The following MCF2L variants were observed in gnomAD, a reference collection of about 807,000 sequenced individuals.
MCF2L encodes MCF.2 cell line derived transforming sequence like, also known as guanine nucleotide exchange factor DBS.
Under a neutral mutation model 153.4 loss-of-function variants are expected in MCF2L, and 97 were observed. The ratio of observed to expected loss-of-function variants is 0.63; its 90% CI spans 0.54 to 0.75. The LOEUF (loss-of-function observed/expected upper bound fraction) is 0.75, where lower values mean the gene tolerates loss of function less well. Ranked by LOEUF, MCF2L falls within the 30% of genes least tolerant of loss-of-function variation. The pLI is 0.00. For synonymous variants in MCF2L, 659 were observed against 632.2 expected (o/e 1.04, Z -0.64); for missense variants, 1,347 against 1,495.2 (o/e 0.90, Z 1.64).
intron 1 of MCF2L, among the ~76,000 whole-genome samples, chr13:113,011,663 C>G (rs1320629740): frequency 1.2e-5 from 1 of 83,512 alleles, no homozygotes; most frequent in African/African-American, 3.9e-5. Context: ...ACGGTGGACA[C>G]TGTGATGCAG....
At chr13:113,015,270 T>C in intron 2 of MCF2L, among the ~76,000 whole-genome samples, 1 of 152,228 alleles carries the variant, frequency 6.6e-6, no homozygotes, top group Non-Finnish European at 1.5e-5. Context: ...AGGTGGTGCC[T>C]GCAGCCATGG....
Position 113,045,066 on chromosome 13 carries a change from C to T in MCF2L, c.279-205C>T, listed in dbSNP as rs1257790248. On this transcript the variant is annotated intron_variant, in intron 3 of 29. Coordinates refer to ENST00000535094, the MANE Select transcript of MCF2L (RefSeq NM_001112732.3). The surrounding 1 kb of genome is among the most constrained non-coding windows in gnomAD (Gnocchi z 4.2). ...AGAAATAAGAACACACCAAAAGTGC[C>T]TGCCCTTCCGTAGATGAGAGCAGGT... is the stretch of plus-strand genomic sequence containing the variant. The T allele has an allele frequency of 2.9e-6, 3 of 1,026,950 alleles. No individual in the cohort carries two copies. The highest frequency in any genetic ancestry group is 4.3e-6 in the Non-Finnish European group (3 of 698,782). 63.6% of individuals were successfully genotyped at this position (1,026,950 alleles called of 1,614,324 possible).
intron 1 of MCF2L, among the ~76,000 whole-genome samples, chr13:113,014,410 C>G (rs112829418): frequency 1.1e-4 from 17 of 152,282 alleles, no homozygotes; most frequent in African/African-American, 4.1e-4. Flanking sequence ...GGGACTCAGA[C>G]CAAAGTGTAT....
Position 112,920,542 on chromosome 13 carries a change from G to A in MCF2L, c.169+18171G>A, listed in dbSNP as rs538015859. Among the ~76,000 whole-genome samples, 144 of 152,242 alleles carry A rather than the reference G, an allele frequency of 9.5e-4. 2 individuals are homozygous for A. In the Middle Eastern group the frequency reaches 0.01, roughly 11 times the overall value. ...TGTGGATGGCCGGTGACCCCAGAAC[G>A]CAGGACAGGATGGCAAGTAGCCTGC... On this transcript the variant is annotated intron_variant, in intron 2 of 29. Coordinates refer to the MCF2L transcript ENST00000375608.
Position 113,017,387 on chromosome 13 carries a change from C to T in MCF2L, c.163+2541C>T, listed in dbSNP as rs557905450. On this transcript the variant is annotated intron_variant, in intron 2 of 29. Coordinates refer to ENST00000535094, the MANE Select transcript of MCF2L (RefSeq NM_001112732.3). ...TCATGCAGCCGCCTCACCTGTACGT[C>T]GGTGTCTCCTCTTCTGCCTCAAAGC... 9.8e-5 allele frequency among the ~76,000 whole-genome samples: 15 copies of T among 152,338 alleles called. No individual in the cohort carries two copies. The South Asian group carries it at 2.7e-3, about 27-fold the overall frequency.
At chr13:112,974,252 C>T (rs1022766279) in intron 1 of MCF2L, among the ~76,000 whole-genome samples, 1 of 152,204 alleles carries the variant, frequency 6.6e-6, no homozygotes, top group Non-Finnish European at 1.5e-5. Flanking sequence ...ACCAGTTCCG[C>T]AAAGGCACCC....
intron 15 of MCF2L, among the ~76,000 whole-genome samples, chr13:113,079,501 CCTTTCACCAT>C: frequency 6.6e-6 from 1 of 152,192 alleles, no homozygotes; most frequent in African/African-American, 2.4e-5. Context: ...CACGTCTCCC[CCTTTCACCAT>C]CAAAACTCCA....
chr13:112,924,642 C>T (rs546045172), intron 2 of MCF2L, among the ~76,000 whole-genome samples: 1 of 152,332 alleles, frequency 6.6e-6, no homozygotes, highest in African/African-American at 2.4e-5. Context: ...GGAAGCTCCA[C>T]ATGACAAAGA....
chr13:112,926,072 G>A (rs973719577), intron 2 of MCF2L, among the ~76,000 whole-genome samples: 4 of 152,198 alleles, frequency 2.6e-5, no homozygotes, highest in Non-Finnish European at 2.9e-5. Flanking sequence ...ATATGGGATC[G>A]GTCACAGATG....
chr13:113,044,696 A>G (rs1441573511), intron 3 of MCF2L: 2 of 1,612,782 alleles, frequency 1.2e-6, no homozygotes, highest in Non-Finnish European at 1.7e-6. Flanking sequence ...CTGTCGTTAT[A>G]CAACGCGCAA....
intron 3 of MCF2L, among the ~76,000 whole-genome samples, chr13:113,037,233 C>T (rs772926188): frequency 6.6e-6 from 1 of 152,176 alleles, no homozygotes; most frequent in African/African-American, 2.4e-5. Context: ...ATGATGATAA[C>T]GACCACGATA....
At chr13:112,994,726 C>A (rs2083048816) in intron 1 of MCF2L, among the ~76,000 whole-genome samples, 1 of 152,200 alleles carries the variant, frequency 6.6e-6, no homozygotes, top group Non-Finnish European at 1.5e-5. Context: ...GGCACAGGCT[C>A]TCCTGCCTGG....
intron 2 of MCF2L, chr13:112,957,505 G>A (rs1190857181): frequency 6.6e-6 from 1 of 152,254 alleles, no homozygotes; most frequent in East Asian, 1.9e-4. Context: ...CGTGAGCTGG[G>A]CTTCCACCCT....
Position 113,001,831 on chromosome 13 carries a change from T to C in MCF2L, c.80-12932T>C, listed in dbSNP as rs886866650. On this transcript the variant is annotated intron_variant, in intron 1 of 29. Transcript: ENST00000535094. The stretch of plus-strand genomic sequence containing the variant: ...CCCCGCTTCGCGGCCAAGATGGTGC[T>C]GGTGCTGCGCCATCCTTTGTGTGCC... 4.0e-5 allele frequency: 60 copies of C among 1,489,720 alleles called. No homozygotes were observed. The African/African-American group carries it at 8.1e-4, about 20-fold the overall frequency. 92.3% of individuals were successfully genotyped at this position (1,489,720 alleles called of 1,614,324 possible).
chr13:113,092,792 C>T (rs1385483668), intron 26 of MCF2L, among the ~76,000 whole-genome samples: 4 of 152,268 alleles, frequency 2.6e-5, no homozygotes, highest in African/African-American at 7.2e-5. Flanking sequence ...TGGCCTCCCC[C>T]GCGCCCTGTT....
intron 1 of MCF2L, among the ~76,000 whole-genome samples, chr13:113,006,987 A>G (rs1443608249): frequency 6.6e-6 from 1 of 152,198 alleles, no homozygotes; most frequent in Non-Finnish European, 1.5e-5. Flanking sequence ...TGGCAGGGTC[A>G]GGGTCTCTGA....
rs775682219 is a variant in MCF2L at position 113,031,676 on chromosome 13, C to A, written c.278+6918C>A. On this transcript the variant is annotated intron_variant, in intron 3 of 29. Coordinates refer to ENST00000535094, the MANE Select transcript of MCF2L (RefSeq NM_001112732.3). This position sits in a 1 kb window ranked among gnomAD's most constrained non-coding sequence, Gnocchi z 5.5. The stretch of plus-strand genomic sequence containing the variant: ...GGAAGCCTGGAGCTTGCTGGAGGAG[C>A]AGTGTGGAAGGAATTCACTGAAGCT... 6.6e-6 allele frequency among the ~76,000 whole-genome samples: 1 copy of A among 151,994 alleles called. No individual in the cohort carries two copies. The highest frequency in any genetic ancestry group is 2.4e-5 in the African/African-American group (1 of 41,366).
intron 2 of MCF2L, among the ~76,000 whole-genome samples, chr13:113,023,167 G>C (rs997038921): frequency 6.6e-6 from 1 of 152,250 alleles, no homozygotes; most frequent in African/African-American, 2.4e-5. Flanking sequence ...AGCCCTCTAA[G>C]AGACTCGGCA....
intron 8 of MCF2L, among the ~76,000 whole-genome samples, 197 bp downstream of exon 8, chr13:113,066,367 T>C (rs1482019155): frequency 6.6e-6 from 1 of 152,134 alleles, no homozygotes; most frequent in South Asian, 2.1e-4. Flanking sequence ...CTGAAATGCT[T>C]TTCTCTCGAA....
Sources: allele counts gnomAD v4.1 joint callset (sites outside exome capture counted in the v4.1 genomes callset), GRCh38; gene constraint gnomAD v4.1.1; non-coding constraint Gnocchi (gnomAD v3.1); transcripts MANE v1.5; gene names NCBI Gene and HGNC (gene_info 2026-07-23, HGNC 2026-07-21).